Variants in NFASC observed in about 807,000 individuals in gnomAD.
NFASC encodes neurofascin homolog.
In NFASC, 43 loss-of-function variants were observed where a neutral mutation model predicts 147.5. The ratio of observed to expected loss-of-function variants is 0.29; its 90% CI spans 0.23 to 0.38. NFASC has a LOEUF of 0.38. Among genes scored for constraint, NFASC ranks in the 10% least tolerant of loss-of-function variants. The pLI, the probability that NFASC is intolerant of heterozygous loss-of-function variation, is 1.00. For missense variants in NFASC, 1,320 were observed against 1,689.0 expected, an observed-to-expected ratio of 0.78 and a Z score of 3.83; for synonymous variants, 622 against 665.5, an observed-to-expected ratio of 0.93 and a Z score of 1.01.
At chr1:204,838,870 T>G (rs2102458553) in intron 1 of NFASC, among the ~76,000 whole-genome samples, 1 of 152,102 alleles carries the variant, frequency 6.6e-6, no homozygotes, top group East Asian at 1.9e-4. Context: ...CAAGGAAGAG[T>G]GAGTGTTAGA....
intron 20 of NFASC, among the ~76,000 whole-genome samples, chr1:204,980,823 C>A (rs139162169): frequency 6.6e-6 from 1 of 152,292 alleles, no homozygotes; most frequent in East Asian, 1.9e-4. Flanking sequence ...TCCTAGGGCC[C>A]TTTCACTGGA....
At chr1:205,008,877 C>G (rs752361040) in intron 27 of NFASC, 6 of 156,048 alleles carry the variant, frequency 3.8e-5, no homozygotes, top group Non-Finnish European at 5.7e-5. Flanking sequence ...GCCCCAGCCC[C>G]ACATCGCTGC....
chr1:204,985,773 C>T (rs1280556233), intron 21 of NFASC: 7 of 621,610 alleles, frequency 1.1e-5, no homozygotes, highest in Admixed American at 5.1e-5. Flanking sequence ...GCTTCCTCAG[C>T]CTGGATAGGA....
chr1:204,946,246 G>A lies in NFASC; in HGVS notation c.91+1840G>A, dbSNP rs150386435. Reference sequence around the variant, plus strand: ...AAACAAAAAAGAAACCACTGGAATCGCAGGTGTCATGCACCAGGAAGTGAG... The same window carrying A: ...AAACAAAAAAGAAACCACTGGAATCACAGGTGTCATGCACCAGGAAGTGAG... On this transcript the variant is annotated intron_variant, in intron 3 of 29. Transcript: ENST00000339876. 1.6e-4 allele frequency: 73 copies of A among 465,092 alleles called. No individual in the cohort carries two copies. In the East Asian group the frequency reaches 3.4e-3, roughly 22 times the overall value. The allele number at this position is 465,092 out of a possible 1,614,324, so 28.8% of individuals were successfully genotyped here.
At position 204,975,456 on chromosome 1, in the gene NFASC, G is replaced by T; in HGVS notation, c.1706+38G>T. The T allele has an allele frequency of 6.3e-7, 1 of 1,588,190 alleles. No individual in the cohort carries two copies. The highest frequency in any genetic ancestry group is 8.6e-7 in the Non-Finnish European group (1 of 1,160,660). On this transcript the variant is annotated intron_variant, in intron 15 of 29. Transcript: ENST00000339876. This position sits in a 1 kb window ranked among gnomAD's most constrained non-coding sequence, Gnocchi z 4.0. ...CCTTCCCCCTTCCTAGTGCTAGTTT[G>T]AGGCGCATTTTCTTTTCCCTTGCTG...
intron 21 of NFASC, among the ~76,000 whole-genome samples, chr1:204,982,842 G>A (rs1383225532): frequency 6.6e-6 from 1 of 152,098 alleles, no homozygotes; most frequent in African/African-American, 2.4e-5. Flanking sequence ...GAAGGGAGGA[G>A]GGACAGTCTT....
chr1:204,934,722 G>A (rs976537735), intron 2 of NFASC, among the ~76,000 whole-genome samples: 4 of 152,182 alleles, frequency 2.6e-5, no homozygotes, highest in African/African-American at 7.2e-5. Flanking sequence ...TCACATTGCC[G>A]CCTGCTGGAA....
At position 204,981,948 on chromosome 1, in the gene NFASC, C is replaced by G. The variant is rs758701595; in HGVS notation, c.2398C>G (p.Arg800Gly). 6.2e-7 allele frequency: 1 copy of G among 1,607,782 alleles called. No homozygotes were observed. Among genetic ancestry groups the G allele is most frequent in the Non-Finnish European group, 8.5e-7 (1 of 1,177,178 alleles). Residue 800 changes from arginine (R) to glycine (G), a missense_variant, in exon 21 of 30, where the codon CGA (arginine) becomes GGA (glycine). Coordinates refer to ENST00000339876, the MANE Select transcript of NFASC (RefSeq NM_001005388.3). ...QTPVYVPYEI[R>G]VQAENDFGKG... ...CCCAGTCTACGTGCCCTATGAGATC[C>G]GAGTCCAGGCTGAAAATGACTTCGG...
chr1:204,833,434 C>T (rs1362790794), intron 1 of NFASC, among the ~76,000 whole-genome samples: 10 of 152,228 alleles, frequency 6.6e-5, no homozygotes, highest in East Asian at 5.8e-4. Flanking sequence ...TCCCATATGT[C>T]GTACTGAGCC....
At chr1:204,872,208 C>T (rs911697631) in intron 1 of NFASC, among the ~76,000 whole-genome samples, 1 of 152,302 alleles carries the variant, frequency 6.6e-6, no homozygotes, top group East Asian at 1.9e-4. Context: ...AGGAGCATTG[C>T]GGAGTGCTCC....
chr1:204,892,832 T>C (rs1323618039), intron 1 of NFASC, among the ~76,000 whole-genome samples: 2 of 152,236 alleles, frequency 1.3e-5, no homozygotes, highest in Non-Finnish European at 2.9e-5. Context: ...TACACTATCA[T>C]ATCTCTATTG....
intron 1 of NFASC, among the ~76,000 whole-genome samples, chr1:204,912,309 C>T (rs2087765048): frequency 2.0e-5 from 3 of 151,976 alleles, no homozygotes; most frequent in South Asian, 2.1e-4. Context: ...CTGTGTCCCT[C>T]GGATTTTGAT....
chr1:204,859,799 T>C (rs1317835468), intron 1 of NFASC, among the ~76,000 whole-genome samples: 1 of 152,244 alleles, frequency 6.6e-6, no homozygotes, highest in African/African-American at 2.4e-5. Context: ...TTGTAATTGC[T>C]GCTAAGGGTC....
At chr1:204,927,443 A>G (rs536063831) in intron 2 of NFASC, among the ~76,000 whole-genome samples, 182 of 151,022 alleles carry the variant, frequency 1.2e-3, no homozygotes, top group African/African-American at 4.2e-3. Flanking sequence ...GATATACTGC[A>G]TTTTGCTTAT....
At chr1:205,013,263 C>A (rs1195507458) in intron 29 of NFASC, among the ~76,000 whole-genome samples, 1 of 152,202 alleles carries the variant, frequency 6.6e-6, no homozygotes, top group Non-Finnish European at 1.5e-5. Flanking sequence ...CATGCTGATT[C>A]TCTGCCCACA....
intron 1 of NFASC, chr1:204,871,212 AG>A: frequency 1.2e-6 from 1 of 801,590 alleles, no homozygotes; most frequent in Admixed American, 2.9e-5. Context: ...GTTGTGCACA[AG>A]GGCTGCAAGA....
rs557738810 is a variant in NFASC at position 204,930,017 on chromosome 1, C to T, written c.-91+9277C>T. Among the ~76,000 whole-genome samples the T allele has an allele frequency of 7.9e-4, 120 of 152,242 alleles. 1 individual carries two copies. The highest frequency in any genetic ancestry group is 1.3e-3 in the African/African-American group (54 of 41,540). ...AGAGGGCAGGAGGGGAAGTGGCGGA[C>T]GGTGGCCCTCAGTCATGCCTAGCCG... On this transcript the variant is annotated intron_variant, in intron 2 of 29. Transcript: ENST00000339876.
At chr1:204,971,974 C>G (rs779324902) in intron 11 of NFASC, among the ~76,000 whole-genome samples, 1 of 152,202 alleles carries the variant, frequency 6.6e-6, no homozygotes, top group African/African-American at 2.4e-5. Flanking sequence ...CCCCAGGGAA[C>G]GTGTAAGGAG....
At position 204,987,525 on chromosome 1, in the gene NFASC, C is replaced by T. The variant is rs2095641209; in HGVS notation, c.2578C>T (p.Leu860Phe). ...AAATGGGATCATGATTGGATACACT[C>T]TCAAATATGTGGCCTGTACGTTCTG... The part of the protein sequence containing the change: ...HPNGIMIGYT[L>F]KYVAFNGTKV... Residue 860 changes from leucine to phenylalanine, a missense_variant, in exon 22 of 30, where the codon CTC (leucine) becomes TTC (phenylalanine). Leu to Phe is a conservative substitution (Grantham distance 22). Coordinates refer to ENST00000339876, the MANE Select transcript of NFASC (RefSeq NM_001005388.3). This position sits in a 1 kb window ranked among gnomAD's most constrained non-coding sequence, Gnocchi z 4.4. 4 of 1,614,028 alleles carry T rather than the reference C, an allele frequency of 2.5e-6. No homozygotes were observed. Among genetic ancestry groups the T allele is most frequent in the Non-Finnish European group, 3.4e-6 (4 of 1,180,010 alleles).
Sources: gnomAD v4.1 joint callset for allele counts (sites outside exome capture counted in the v4.1 genomes callset) on GRCh38, gnomAD v4.1.1 for gene constraint, Gnocchi (gnomAD v3.1) non-coding constraint, MANE v1.5 for transcripts, NCBI Gene and HGNC (gene_info 2026-07-23, HGNC 2026-07-21) for gene names.